The following HNRNPUL1 variants were observed in gnomAD, a reference collection of about 807,000 sequenced individuals.
HNRNPUL1 encodes heterogeneous nuclear ribonucleoprotein U-like protein 1.
HNRNPUL1 carries 14 observed loss-of-function variants against 108.5 expected under a neutral mutation model. The ratio of observed to expected loss-of-function variants is 0.13; its 90% CI spans 0.09 to 0.20. The LOEUF (loss-of-function observed/expected upper bound fraction) is 0.20, where lower values mean the gene tolerates loss of function less well. Among genes scored for constraint, HNRNPUL1 ranks in the 10% least tolerant of loss-of-function variants. The probability of loss-of-function intolerance (pLI) is 1.00; values close to 1 mark genes in which losing one functional copy is unlikely to be tolerated. For missense variants in HNRNPUL1, 804 were observed against 1,168.3 expected (o/e 0.69, Z 4.55); for synonymous variants, 422 against 445.2 (o/e 0.95, Z 0.66).
Position 41,294,102 on chromosome 19 carries a change from C to T in HNRNPUL1, c.1267-236C>T, listed in dbSNP as rs139573139. Among the ~76,000 whole-genome samples the T allele has an allele frequency of 2.0e-5, 3 of 152,130 alleles. No homozygotes were observed. Among genetic ancestry groups the T allele is most frequent in the East Asian group, 3.9e-4 (2 of 5,184 alleles). On this transcript the variant is annotated intron_variant, in intron 8 of 14. Coordinates refer to ENST00000392006, the MANE Select transcript of HNRNPUL1 (RefSeq NM_007040.6). The surrounding 1 kb of genome is among the most constrained non-coding windows in gnomAD (Gnocchi z 4.3). ...TCCTGGGATTATAGGCGTGAGCTACCGTGCCTGGCCAGCACTTGACTTAAT... is the reference window on the plus strand; with the variant it reads ...TCCTGGGATTATAGGCGTGAGCTACTGTGCCTGGCCAGCACTTGACTTAAT...
intron 6 of HNRNPUL1, 140 bp from the exon 7 acceptor site, chr19:41,281,023 C>A: frequency 1.6e-6 from 1 of 608,658 alleles, no homozygotes; most frequent in Non-Finnish European, 2.9e-6. Context: ...CCTTCCCCAC[C>A]CCTATTTTAA....
intron 7 of HNRNPUL1, among the ~76,000 whole-genome samples, chr19:41,282,860 T>A (rs1236343190): frequency 6.6e-6 from 1 of 151,268 alleles, no homozygotes; most frequent in African/African-American, 2.4e-5. Context: ...CGGCTAATTT[T>A]TTGTATTTTT....
At position 41,294,797 on chromosome 19, in the gene HNRNPUL1, T is replaced by C; in HGVS notation, c.1518+111T>C. Reference sequence around the variant, plus strand: ...TTCCCCCGTAATGATGATGGACTGCTGTGCTAGTCGGGGGGGTCAGACCTT... The same window carrying C: ...TTCCCCCGTAATGATGATGGACTGCCGTGCTAGTCGGGGGGGTCAGACCTT... On this transcript the variant is annotated intron_variant, in intron 10 of 14. Coordinates refer to ENST00000392006, the MANE Select transcript of HNRNPUL1 (RefSeq NM_007040.6). The surrounding 1 kb of genome is among the most constrained non-coding windows in gnomAD (Gnocchi z 4.3). The C allele has an allele frequency of 3.8e-6, 5 of 1,320,924 alleles. No homozygotes were observed. Among genetic ancestry groups the C allele is most frequent in the Non-Finnish European group, 5.3e-6 (5 of 938,046 alleles). 81.8% of individuals were successfully genotyped at this position (1,320,924 alleles called of 1,614,324 possible).
Position 41,307,207 on chromosome 19 carries a change from A to G in HNRNPUL1, c.*642A>G, listed in dbSNP as rs1317281911. On this transcript the variant is annotated 3_prime_UTR_variant, in exon 15 of 15. Coordinates refer to ENST00000392006, the MANE Select transcript of HNRNPUL1 (RefSeq NM_007040.6). The stretch of plus-strand genomic sequence containing the variant: ...CTTTCCTGAGTTCAGGTGACTGAGG[A>G]AGAGCCACAAAACAAAACACAACAA... 1 of 152,438 alleles carries G rather than the reference A, an allele frequency of 6.6e-6. No homozygotes were observed. Among genetic ancestry groups the G allele is most frequent in the Non-Finnish European group, 1.5e-5 (1 of 68,018 alleles). The allele number at this position is 152,438 out of a possible 1,614,324, so 9.4% of individuals were successfully genotyped here. A position where few individuals can be genotyped will look rare whatever the true frequency, so the allele number is the denominator to read the frequency against.
chr19:41,272,349 G>A, intron 3 of HNRNPUL1, 114 bp downstream of exon 3: 3 of 1,057,854 alleles, frequency 2.8e-6, no homozygotes, highest in Non-Finnish European at 4.1e-6. Flanking sequence ...GATTCCCTCT[G>A]CTTTCACACT....
intron 3 of HNRNPUL1, chr19:41,272,476 C>T (rs576002129): frequency 6.3e-4 from 259 of 410,642 alleles, no homozygotes; most frequent in Non-Finnish European, 7.0e-4. Context: ...GACTTTCACG[C>T]GTGAGATGCC....
intron 2 of HNRNPUL1, among the ~76,000 whole-genome samples, chr19:41,270,315 G>A (rs1186168162): frequency 1.3e-5 from 2 of 152,050 alleles, no homozygotes; most frequent in Non-Finnish European, 2.9e-5. Flanking sequence ...TGAGGTGGGA[G>A]GATCACTTGA....
At chr19:41,276,328 C>G in intron 5 of HNRNPUL1, 30 bp downstream of exon 5, 2 of 1,574,846 alleles carry the variant, frequency 1.3e-6, no homozygotes, top group Non-Finnish European at 1.7e-6. Context: ...GGGGAAGGGA[C>G]AGAGAAGTCC....
At chr19:41,276,690 T>G (rs2035577610) in intron 5 of HNRNPUL1, 1 of 166,488 alleles carries the variant, frequency 6.0e-6, no homozygotes, top group Non-Finnish European at 1.3e-5. Context: ...AACTGCCAGC[T>G]TAGGCCAGCC....
At chr19:41,296,629 A>AG (rs2036911722) in intron 10 of HNRNPUL1, among the ~76,000 whole-genome samples, 1 of 152,274 alleles carries the variant, frequency 6.6e-6, no homozygotes, top group African/African-American at 2.4e-5. Flanking sequence ...TATGAGAAAG[A>AG]GGGAGGGGGA....
chr19:41,274,413 G>A (rs1258998880), intron 4 of HNRNPUL1, among the ~76,000 whole-genome samples: 2 of 152,314 alleles, frequency 1.3e-5, no homozygotes, highest in Admixed American at 6.5e-5. Flanking sequence ...ATCAGGAAGG[G>A]AATCTGAGTG....
At chr19:41,303,350 ATTTTTTT>A (rs34393408) in intron 12 of HNRNPUL1, among the ~76,000 whole-genome samples, 1 of 119,094 alleles carries the variant, frequency 8.4e-6, no homozygotes, top group Non-Finnish European at 1.7e-5. Flanking sequence ...GCTTCCTCTC[ATTTTTTT>A]TTTTTTTTTT....
intron 10 of HNRNPUL1, among the ~76,000 whole-genome samples, chr19:41,296,344 G>T (rs1343515943): frequency 6.6e-6 from 1 of 152,188 alleles, no homozygotes; most frequent in Non-Finnish European, 1.5e-5. Flanking sequence ...TCAGGGACAG[G>T]GTCTAGGGCT....
At position 41,294,174 on chromosome 19, in the gene HNRNPUL1, C is replaced by T. The variant is rs937285757; in HGVS notation, c.1267-164C>T. On this transcript the variant is annotated intron_variant, in intron 8 of 14. Coordinates refer to ENST00000392006, the MANE Select transcript of HNRNPUL1 (RefSeq NM_007040.6). This position sits in a 1 kb window ranked among gnomAD's most constrained non-coding sequence, Gnocchi z 4.3. ...GTGCTCAGAGTCTGACAAGCCTGAT[C>T]TTTTTGAATCCCGATACCAGTACTG... Among the ~76,000 whole-genome samples, 2 of 152,120 alleles carry T rather than the reference C, an allele frequency of 1.3e-5. No individual in the cohort carries two copies. The highest frequency in any genetic ancestry group is 2.9e-5 in the Non-Finnish European group (2 of 68,022).
At chr19:41,280,020 C>T (rs1338418061) in intron 6 of HNRNPUL1, among the ~76,000 whole-genome samples, 1 of 152,202 alleles carries the variant, frequency 6.6e-6, no homozygotes, top group African/African-American at 2.4e-5. Flanking sequence ...AACAAGTCCC[C>T]TTCTGTAGCT....
intron 3 of HNRNPUL1, among the ~76,000 whole-genome samples, chr19:41,273,733 A>G (rs1186607560): frequency 1.3e-5 from 2 of 152,166 alleles, no homozygotes; most frequent in African/African-American, 4.8e-5. Context: ...AATTCCCTAA[A>G]TGATTCTGAT....
chr19:41,294,186 C>G lies in HNRNPUL1; in HGVS notation c.1267-152C>G. Reference sequence around the variant, plus strand: ...TGACAAGCCTGATCTTTTTGAATCCCGATACCAGTACTGTGAGGTAGATGG... The same window carrying G: ...TGACAAGCCTGATCTTTTTGAATCCGGATACCAGTACTGTGAGGTAGATGG... On this transcript the variant is annotated intron_variant, in intron 8 of 14. Transcript: ENST00000392006. This position sits in a 1 kb window ranked among gnomAD's most constrained non-coding sequence, Gnocchi z 4.3. 1.3e-6 allele frequency: 1 copy of G among 772,222 alleles called. No individual in the cohort carries two copies. Among genetic ancestry groups the G allele is most frequent in the Non-Finnish European group, 2.1e-6 (1 of 479,924 alleles). The allele number at this position is 772,222 out of a possible 1,614,324, so 47.8% of individuals were successfully genotyped here. A position where few individuals can be genotyped will look rare whatever the true frequency, so the allele number is the denominator to read the frequency against.
intron 5 of HNRNPUL1, 133 bp downstream of exon 5, chr19:41,276,431 A>C (rs1360192642): frequency 1.1e-6 from 1 of 922,732 alleles, no homozygotes; most frequent in Non-Finnish European, 1.6e-6. Context: ...AGCAGACAAA[A>C]CTGTGATGAA....
chr19:41,267,092 G>A (rs1392746010), intron 1 of HNRNPUL1, among the ~76,000 whole-genome samples: 2 of 152,184 alleles, frequency 1.3e-5, no homozygotes, highest in Non-Finnish European at 2.9e-5. Flanking sequence ...TAAAGATATT[G>A]GCAAGTCACT....
Sources: allele counts gnomAD v4.1 joint callset (sites outside exome capture counted in the v4.1 genomes callset), GRCh38; gene constraint gnomAD v4.1.1; non-coding constraint Gnocchi (gnomAD v3.1); transcripts MANE v1.5; gene names NCBI Gene and HGNC (gene_info 2026-07-23, HGNC 2026-07-21).